The following GRM5 variants were observed in gnomAD, a reference collection of about 807,000 sequenced individuals.
GRM5 encodes the protein metabotropic glutamate receptor 5.
In GRM5, 19 loss-of-function variants were observed where a neutral mutation model predicts 83.1. The observed-to-expected ratio is 0.23, with a 90% CI of 0.16 to 0.34. The LOEUF is 0.34. GRM5 is among the 10% of genes least tolerant of loss of function. GRM5 has a pLI of 1.00. For synonymous variants in GRM5, 675 were observed against 633.6 expected (o/e 1.07, Z -0.98); for missense variants, 1,160 against 1,588.3 (o/e 0.73, Z 4.58).
At chr11:88,752,660 A>G (rs1474515745) in intron 3 of GRM5, among the ~76,000 whole-genome samples, 3 of 152,234 alleles carry the variant, frequency 2.0e-5, no homozygotes, top group Non-Finnish European at 4.4e-5. Flanking sequence ...GCTAAGCAAA[A>G]AGGACAAAGC....
chr11:88,574,110 T>A (rs990876662), intron 7 of GRM5, among the ~76,000 whole-genome samples: 1 of 152,196 alleles, frequency 6.6e-6, no homozygotes, highest in Non-Finnish European at 1.5e-5. Context: ...CTGTCTTCTC[T>A]ACTTGACTAG....
intron 3 of GRM5, among the ~76,000 whole-genome samples, chr11:88,771,073 T>G (rs1391201596): frequency 6.6e-6 from 1 of 152,092 alleles, no homozygotes; most frequent in African/African-American, 2.4e-5. Flanking sequence ...CATCTTAATA[T>G]GTAGCTAATA....
At chr11:89,008,280 TA>T (rs1441933396) in intron 2 of GRM5, among the ~76,000 whole-genome samples, 2 of 152,104 alleles carry the variant, frequency 1.3e-5, no homozygotes, top group Non-Finnish European at 2.9e-5. Flanking sequence ...CTAACCAAAA[TA>T]AAAGACATGG....
At chr11:88,714,642 C>G (rs1204585365) in intron 3 of GRM5, among the ~76,000 whole-genome samples, 1 of 151,864 alleles carries the variant, frequency 6.6e-6, no homozygotes, top group Admixed American at 6.6e-5. Flanking sequence ...CTGCTGCTTG[C>G]AAGTGCATTT....
chr11:88,908,476 T>C (rs1232054015), intron 2 of GRM5, among the ~76,000 whole-genome samples: 4 of 152,110 alleles, frequency 2.6e-5, no homozygotes, highest in African/African-American at 9.7e-5. Context: ...CTTTCACATA[T>C]AGCCCCCAGA....
intron 2 of GRM5, among the ~76,000 whole-genome samples, chr11:88,931,042 G>T (rs1317200800): frequency 3.4e-5 from 5 of 147,510 alleles, no homozygotes; most frequent in Non-Finnish European, 7.4e-5. Flanking sequence ...TTTATATACA[G>T]GTATATAAAA....
intron 2 of GRM5, among the ~76,000 whole-genome samples, chr11:88,921,605 G>A (rs1265573646): frequency 2.0e-5 from 3 of 148,726 alleles, no homozygotes; most frequent in African/African-American, 7.4e-5. Flanking sequence ...ACTCCAGCCT[G>A]GGAGACAGAG....
intron 3 of GRM5, among the ~76,000 whole-genome samples, chr11:88,840,634 G>A (rs949157347): frequency 6.6e-5 from 10 of 152,220 alleles, no homozygotes; most frequent in Middle Eastern, 3.4e-3. Flanking sequence ...AACAACAATT[G>A]TATCTTCAGT....
intron 3 of GRM5, among the ~76,000 whole-genome samples, chr11:88,838,868 TACACACACACACACAC>T (rs59388840): frequency 5.5e-5 from 8 of 144,842 alleles, no homozygotes; most frequent in East Asian, 2.0e-4. Context: ...CCCCTTATGC[TACACACACACACACAC>T]ACACACACAC....
intron 3 of GRM5, among the ~76,000 whole-genome samples, chr11:88,761,785 A>G (rs2201928): frequency 0.28 from 42,488 of 151,946 alleles, 6,973 homozygotes; most frequent in Non-Finnish European, 0.38. Context: ...GAGACATCAC[A>G]CTACCTGACT....
intron 2 of GRM5, among the ~76,000 whole-genome samples, chr11:89,026,406 A>G (rs758361881): frequency 1.1e-4 from 17 of 152,222 alleles, no homozygotes; most frequent in Admixed American, 2.0e-4. Context: ...ATTGAGGGTC[A>G]GGGTTTCATA....
Position 88,570,571 on chromosome 11 carries a change from A to ATATATTT in GRM5, c.1691-2580_1691-2579insAAATATA, listed in dbSNP as rs1405339448. Among the ~76,000 whole-genome samples, 16 of 46,378 alleles carry ATATATTT rather than the reference A, an allele frequency of 3.4e-4. 1 individual carries two copies. Among genetic ancestry groups the ATATATTT allele is most frequent in the African/African-American group, 2.1e-3 (16 of 7,488 alleles). The allele number at this position is 46,378 out of a possible 152,430, so 30.4% of individuals were successfully genotyped here. A position where few individuals can be genotyped will look rare whatever the true frequency, so the allele number is the denominator to read the frequency against. ...TAATAATATATATATATATATATAT[A>ATATATTT]TTTTTTTTTTTTTTTTTTTTTTTTT... On this transcript the variant is annotated intron_variant, in intron 7 of 9. Transcript: ENST00000305447.
chr11:88,642,296 A>G (rs1339409187), intron 4 of GRM5, among the ~76,000 whole-genome samples: 2 of 152,156 alleles, frequency 1.3e-5, no homozygotes, highest in Admixed American at 1.3e-4. Flanking sequence ...AAAGGGCAGC[A>G]GGGTCCTGGA....
At chr11:88,887,793 G>C (rs575034113) in intron 2 of GRM5, among the ~76,000 whole-genome samples, 2 of 152,224 alleles carry the variant, frequency 1.3e-5, no homozygotes, top group Admixed American at 1.3e-4. Context: ...CTTAACCAGA[G>C]ACTTTAAAGA....
intron 2 of GRM5, among the ~76,000 whole-genome samples, chr11:88,996,971 T>A (rs1375161231): frequency 6.6e-6 from 1 of 152,206 alleles, no homozygotes; most frequent in East Asian, 1.9e-4. Flanking sequence ...ACAAAATTTG[T>A]GGAACACAGC....
chr11:88,783,780 T>C (rs1394091687), intron 3 of GRM5, among the ~76,000 whole-genome samples: 1 of 152,012 alleles, frequency 6.6e-6, no homozygotes, highest in Non-Finnish European at 1.5e-5. Flanking sequence ...TTAGAAAACA[T>C]CTTAGCATTA....
intron 3 of GRM5, among the ~76,000 whole-genome samples, chr11:88,705,289 C>A (rs1158430142): frequency 7.2e-5 from 11 of 152,004 alleles, no homozygotes; most frequent in Admixed American, 7.2e-4. Context: ...ACTCAATTGA[C>A]AAAGTGTGAG....
At chr11:88,612,287 G>T (rs777180707) in intron 4 of GRM5, among the ~76,000 whole-genome samples, 1 of 150,306 alleles carries the variant, frequency 6.7e-6, no homozygotes, top group Non-Finnish European at 1.5e-5. Flanking sequence ...TCCCTACAAA[G>T]GACATGAACC....
Position 89,047,922 on chromosome 11 carries a change from A to G in GRM5, c.-50T>C, listed in dbSNP as rs1443617290. The G allele has an allele frequency of 1.4e-6, 2 of 1,453,642 alleles. No individual in the cohort carries two copies. Among genetic ancestry groups the G allele is most frequent in the Non-Finnish European group, 1.9e-6 (2 of 1,043,338 alleles). 90.0% of individuals were successfully genotyped at this position (1,453,642 alleles called of 1,614,324 possible). A position where few individuals can be genotyped will look rare whatever the true frequency, so the allele number is the denominator to read the frequency against. On this transcript the variant is annotated 5_prime_UTR_variant, in exon 2 of 10. Transcript: ENST00000305447. The surrounding 1 kb of genome is among the most constrained non-coding windows in gnomAD (Gnocchi z 5.1). ...AAAGATAGCATGGTGGGGAAAATTC[A>G]GGAGGGTTCTGATAGCTACGAACAA...
Sources: allele counts gnomAD v4.1 joint callset (sites outside exome capture counted in the v4.1 genomes callset), GRCh38; gene constraint gnomAD v4.1.1; non-coding constraint Gnocchi (gnomAD v3.1); transcripts MANE v1.5; gene names NCBI Gene and HGNC (gene_info 2026-07-23, HGNC 2026-07-21).